Variants in GLIS3 observed in about 807,000 individuals in gnomAD.
The protein encoded by GLIS3 is zinc finger protein GLIS3.
A neutral mutation model predicts 78.6 loss-of-function variants in GLIS3; 53 were observed. The ratio of observed to expected loss-of-function variants is 0.67; its 90% confidence interval spans 0.54 to 0.85. The LOEUF is 0.85. GLIS3 is among the 40% of genes least tolerant of loss of function. The pLI, the probability that GLIS3 is intolerant of heterozygous loss-of-function variation, is 0.00. For synonymous variants in GLIS3, 684 were observed against 509.9 expected (o/e 1.34, Z -4.60); for missense variants, 1,703 against 1,231.1 (o/e 1.38, Z -5.74).
chr9:4,062,786 AGGCACGGTGGCG>A (rs1826761347), intron 4 of GLIS3, among the ~76,000 whole-genome samples: 1 of 152,106 alleles, frequency 6.6e-6, no homozygotes, highest in South Asian at 2.1e-4. Context: ...AAAATTAGCC[AGGCACGGTGGCG>A]GGCACCTGTA....
chr9:4,485,975 G>A, the GLIS3 span, among the ~76,000 whole-genome samples: 2 of 152,120 alleles, frequency 1.3e-5, no homozygotes, highest in Non-Finnish European at 2.9e-5. Flanking sequence ...ACCCCCCTTG[G>A]CCTCCCAAAG....
At chr9:4,269,826 G>A (rs998454141) in intron 2 of GLIS3, among the ~76,000 whole-genome samples, 1 of 152,184 alleles carries the variant, frequency 6.6e-6, no homozygotes, top group Non-Finnish European at 1.5e-5. Context: ...ACGGAGGGCA[G>A]GACGGGAGAA....
chr9:3,911,100 T>TTC (rs1563840841), intron 6 of GLIS3, among the ~76,000 whole-genome samples: 150 of 151,834 alleles, frequency 9.9e-4, no homozygotes, highest in Middle Eastern at 6.8e-3. Flanking sequence ...TTCCTTCCTT[T>TTC]CTTCCTTCCT....
intron 2 of GLIS3, among the ~76,000 whole-genome samples, chr9:4,185,163 G>C (rs959144392): frequency 7.9e-5 from 12 of 152,126 alleles, no homozygotes; most frequent in Non-Finnish European, 1.8e-4. Flanking sequence ...CTATCAATTT[G>C]ACTTTTTTAA....
chr9:4,355,066 G>A, the GLIS3 span, among the ~76,000 whole-genome samples: 1,169 of 150,268 alleles, frequency 7.8e-3, 20 homozygotes, highest in African/African-American at 0.027. Context: ...GGGAGGCGGA[G>A]GTTGCAGTGA....
chr9:4,395,439 C>T, the GLIS3 span, among the ~76,000 whole-genome samples: 1 of 152,174 alleles, frequency 6.6e-6, no homozygotes, highest in Non-Finnish European at 1.5e-5. Context: ...CCTTCTTAGG[C>T]CTCCAGTAGG....
the GLIS3 span, among the ~76,000 whole-genome samples, chr9:4,373,433 G>C: frequency 2.8e-4 from 42 of 152,240 alleles, no homozygotes; most frequent in African/African-American, 9.9e-4. Flanking sequence ...TTTCCACATG[G>C]TTCTGATAGA....
chr9:4,147,466 T>C (rs1032127746), intron 2 of GLIS3: 15 of 152,168 alleles, frequency 9.9e-5, no homozygotes, highest in African/African-American at 3.6e-4. Context: ...TGTGTGGGTA[T>C]AGATTGTTTA....
intron 4 of GLIS3, among the ~76,000 whole-genome samples, chr9:3,953,499 T>C (rs1237781894): frequency 5.3e-5 from 8 of 152,204 alleles, no homozygotes; most frequent in Non-Finnish European, 1.0e-4. Flanking sequence ...TATTCAATGA[T>C]TCCCTTGTAA....
At chr9:4,434,932 A>T in the GLIS3 span, among the ~76,000 whole-genome samples, 1 of 152,312 alleles carries the variant, frequency 6.6e-6, no homozygotes, top group East Asian at 1.9e-4. Context: ...ATAAATTATC[A>T]CCTCACTGGA....
the GLIS3 span, among the ~76,000 whole-genome samples, chr9:4,365,554 T>C: frequency 1.3e-5 from 2 of 148,642 alleles, no homozygotes; most frequent in Non-Finnish European, 3.0e-5. Flanking sequence ...AGACTCCATC[T>C]CAAAAAAAAA....
chr9:3,867,088 CT>C (rs1300324172), intron 8 of GLIS3, among the ~76,000 whole-genome samples: 5 of 152,114 alleles, frequency 3.3e-5, no homozygotes, highest in South Asian at 2.1e-4. Context: ...GACTCCTAGG[CT>C]TTTTAGGTTT....
At chr9:4,372,623 T>G in the GLIS3 span, among the ~76,000 whole-genome samples, 1 of 151,944 alleles carries the variant, frequency 6.6e-6, no homozygotes, top group African/African-American at 2.4e-5. Context: ...TGCGTCAAAT[T>G]TAAGACTTTC....
chr9:3,843,942 C>T (rs1288779834), intron 9 of GLIS3, among the ~76,000 whole-genome samples: 2 of 152,304 alleles, frequency 1.3e-5, no homozygotes, highest in East Asian at 1.9e-4. Flanking sequence ...AATAGACTTA[C>T]ATCTTGTAAG....
At chr9:4,470,897 TC>T in the GLIS3 span, among the ~76,000 whole-genome samples, 1 of 151,998 alleles carries the variant, frequency 6.6e-6, no homozygotes, top group Non-Finnish European at 1.5e-5. Flanking sequence ...ATAAGCAACT[TC>T]AGCAAAGTCT....
intron 9 of GLIS3, among the ~76,000 whole-genome samples, chr9:3,836,359 G>T (rs1023026661): frequency 2.8e-4 from 43 of 152,238 alleles, no homozygotes; most frequent in African/African-American, 1.0e-3. Flanking sequence ...CTATAATTTT[G>T]TGGGTTACTA....
At chr9:3,894,288 A>G (rs914567476) in intron 7 of GLIS3, among the ~76,000 whole-genome samples, 24 of 152,210 alleles carry the variant, frequency 1.6e-4, no homozygotes, top group Non-Finnish European at 1.0e-4. Context: ...CAACTCTCCT[A>G]TTAAGTTTAA....
chr9:4,033,354 C>A (rs899908662), intron 4 of GLIS3, among the ~76,000 whole-genome samples: 29 of 152,132 alleles, frequency 1.9e-4, no homozygotes, highest in African/African-American at 7.0e-4. Context: ...GAAGATGGAA[C>A]TAAAGAAAAA....
chr9:3,838,971 G>A (rs944376312), intron 9 of GLIS3, among the ~76,000 whole-genome samples: 3 of 152,134 alleles, frequency 2.0e-5, no homozygotes, highest in African/African-American at 7.2e-5. Context: ...AGTCTTTGGG[G>A]TCGCATCTAC....
Sources: allele counts gnomAD v4.1 joint callset (sites outside exome capture counted in the v4.1 genomes callset), GRCh38; gene constraint gnomAD v4.1.1; transcripts MANE v1.5; gene names NCBI Gene and HGNC (gene_info 2026-07-23, HGNC 2026-07-21).